The following NOP14 variants were observed in gnomAD, a reference collection of about 807,000 sequenced individuals.
NOP14 encodes the protein nucleolar protein 14.
In NOP14, 57 loss-of-function variants were observed where a neutral mutation model predicts 101.6. That is an observed-to-expected ratio of 0.56 (90% confidence interval 0.45 to 0.70). The LOEUF (loss-of-function observed/expected upper bound fraction) is 0.70, where lower values mean the gene tolerates loss of function less well. NOP14 is among the 30% of genes least tolerant of loss of function. NOP14 has a pLI of 0.00. For synonymous variants in NOP14, 428 were observed against 424.0 expected (o/e 1.01, Z -0.12); for missense variants, 1,134 against 1,075.5 (o/e 1.05, Z -0.76).
intron 6 of NOP14, 61 bp from the exon 7 acceptor site, chr4:2,951,306 G>T: frequency 6.5e-7 from 1 of 1,531,480 alleles, no homozygotes; most frequent in Non-Finnish European, 9.0e-7. Context: ...TGAGGGGGCC[G>T]TGCAGTCCTG....
chr4:2,944,698 C>T (rs558200855), intron 12 of NOP14, among the ~76,000 whole-genome samples: 13 of 152,302 alleles, frequency 8.5e-5, no homozygotes, highest in East Asian at 7.7e-4. Context: ...TGAGCCACCG[C>T]GCCTGGCCAG....
rs747792244 is a variant in NOP14 at position 2,951,144 on chromosome 4, A to G, written c.972T>C (p.Asp324=). ...AGGAAAGCAAACGCCTGTCATCTTT[A>G]TCTAGCACGAAGCCATCATTCAGAT... ...ADDLNDGFVL[D]KDDRRLLSYK... is the part of the protein sequence containing the mutation. Residue 324 remains aspartate, a synonymous_variant, in exon 7 of 18, where the codon GAT becomes GAC. Coordinates refer to ENST00000416614, the MANE Select transcript of NOP14 (RefSeq NM_001291978.2). The G allele has an allele frequency of 6.2e-7, 1 of 1,613,886 alleles. No homozygotes were observed. The highest frequency in any genetic ancestry group is 1.7e-5 in the Admixed American group (1 of 60,004).
At chr4:2,958,947 C>G (rs560842654) in intron 1 of NOP14, among the ~76,000 whole-genome samples, 1 of 152,302 alleles carries the variant, frequency 6.6e-6, no homozygotes, top group East Asian at 1.9e-4. Context: ...CCAGCAGGGA[C>G]AGAAGCACGA....
chr4:2,942,730 C>T (rs1714305462), intron 13 of NOP14, among the ~76,000 whole-genome samples: 1 of 152,100 alleles, frequency 6.6e-6, no homozygotes, highest in Non-Finnish European at 1.5e-5. Flanking sequence ...ATGGACCAGA[C>T]AGAACACGAG....
rs939614144 is a variant in NOP14, at chr4:2,944,099, A to C, written c.1865T>G (p.Ile622Arg). 2.5e-6 allele frequency: 4 copies of C among 1,612,702 alleles called. No homozygotes were observed. Among genetic ancestry groups the C allele is most frequent in the Admixed American group, 3.3e-5 (2 of 59,788 alleles). ...LINFLLGILY[I>R]ATPNKASQGS... The stretch of plus-strand genomic sequence containing the variant: ...TTGGCTTGCTTTGTTTGGAGTTGCT[A>C]TGTAAAGAATCCCAAGAAGAAAATT... Residue 622 changes from isoleucine (I) to arginine (R), a missense_variant, in exon 13 of 18, where the codon ATA (isoleucine) becomes AGA (arginine). Ile to Arg is a moderately conservative substitution (Grantham distance 97). Transcript: ENST00000416614.
chr4:2,948,161 C>G, intron 9 of NOP14, 117 bp downstream of exon 9: 11 of 1,266,240 alleles, frequency 8.7e-6, no homozygotes, highest in Non-Finnish European at 1.2e-5. Flanking sequence ...ATGTGACGGG[C>G]TGGCCCCATC....
chr4:2,947,491 C>T lies in NOP14; in HGVS notation c.1499+35G>A, dbSNP rs372459574. 17 of 1,406,126 alleles carry T rather than the reference C, an allele frequency of 1.2e-5. No individual in the cohort carries two copies. The African/African-American group carries it at 2.1e-4, about 18-fold the overall frequency. The allele number at this position is 1,406,126 out of a possible 1,614,324, so 87.1% of individuals were successfully genotyped here. A position where few individuals can be genotyped will look rare whatever the true frequency, so the allele number is the denominator to read the frequency against. On this transcript the variant is annotated intron_variant, in intron 10 of 17. Coordinates refer to ENST00000416614, the MANE Select transcript of NOP14 (RefSeq NM_001291978.2). ...ATGGGAGAAAAATTGTTCTGCTTAACCCCACATCCCAGATGACACACCATT... is the reference window on the plus strand; with the variant it reads ...ATGGGAGAAAAATTGTTCTGCTTAATCCCACATCCCAGATGACACACCATT...
chr4:2,943,296 C>T (rs192032702), intron 13 of NOP14, among the ~76,000 whole-genome samples: 39 of 152,342 alleles, frequency 2.6e-4, no homozygotes, highest in Admixed American at 1.1e-3. Flanking sequence ...CCTGGACATG[C>T]AGGCGCTTAG....
intron 9 of NOP14, among the ~76,000 whole-genome samples, chr4:2,947,916 A>G: frequency 6.6e-6 from 1 of 152,258 alleles, no homozygotes; most frequent in East Asian, 1.9e-4. Flanking sequence ...CTCACAGGCA[A>G]TATCCACCAT....
At position 2,944,202 on chromosome 4, in the gene NOP14, C is replaced by T. The variant is rs757303420; in HGVS notation, c.1762G>A (p.Val588Met). Residue 588 changes from valine (V) to methionine (M), a missense_variant, in exon 13 of 18, where the codon GTG becomes ATG. Transcript: ENST00000416614. ...CAGCACACGAACAGGCCCTTCACCA[C>T]GTCCTGGAGGGACAGGATGGGGCAC... The part of the protein sequence containing the change: ...TKCPILSLQD[V>M]VKGLFVCCLF... 31 of 1,613,642 alleles carry T rather than the reference C, an allele frequency of 1.9e-5. No individual in the cohort carries two copies. The highest frequency in any genetic ancestry group is 8.0e-5 in the African/African-American group (6 of 74,922).
intron 1 of NOP14, among the ~76,000 whole-genome samples, chr4:2,960,009 G>A (rs975763396): frequency 6.0e-5 from 9 of 149,578 alleles, no homozygotes; most frequent in South Asian, 2.1e-4. Context: ...TCGCTCTGTC[G>A]CCCAGGCTGG....
At chr4:2,956,129 C>T (rs1715331325) in intron 3 of NOP14, among the ~76,000 whole-genome samples, 1 of 152,150 alleles carries the variant, frequency 6.6e-6, no homozygotes, top group Non-Finnish European at 1.5e-5. Flanking sequence ...TATTTAAGGC[C>T]AAAATTTATC....
Position 2,938,890 on chromosome 4 carries a change from T to C in NOP14, c.2515A>G (p.Ser839Gly). 3 of 1,614,214 alleles carry C rather than the reference T, an allele frequency of 1.9e-6. No homozygotes were observed. Among genetic ancestry groups the C allele is most frequent in the Non-Finnish European group, 2.5e-6 (3 of 1,180,028 alleles). Reference protein sequence around the residue: ...RKRKVKQLFNSLATQEGEWKA... With the variant: ...RKRKVKQLFNGLATQEGEWKA... ...CATTCGCCTTCCTGTGTAGCCAGGCTGTTAAAAAGCTGCTTTACTTTCCGC... is the reference window on the plus strand; with the variant it reads ...CATTCGCCTTCCTGTGTAGCCAGGCCGTTAAAAAGCTGCTTTACTTTCCGC... The change falls in exon 18 of 18, where the codon AGC becomes GGC. Residue 839 changes from serine to glycine, a missense_variant. Transcript: ENST00000416614.
intron 5 of NOP14, among the ~76,000 whole-genome samples, chr4:2,952,759 A>G (rs990544561): frequency 6.6e-6 from 1 of 152,156 alleles, no homozygotes; most frequent in Non-Finnish European, 1.5e-5. Flanking sequence ...CTGGCCCAAC[A>G]TGGTGAAACC....
rs374177367 is a variant in NOP14 at position 2,944,420 on chromosome 4, T to TC, written c.1738-195dup. Among the ~76,000 whole-genome samples, 340 of 152,074 alleles carry TC rather than the reference T, an allele frequency of 2.2e-3. 8 individuals are homozygous for TC. The South Asian group carries it at 0.04, about 18-fold the overall frequency. ...ATAAAGAGCTTTAGTGATTTTTTTT[T>TC]CCCGAGACGGAGTTTCACTCTTACC... On this transcript the variant is annotated intron_variant, in intron 12 of 17. Transcript: ENST00000416614.
chr4:2,946,267 G>C (rs1028798486), intron 11 of NOP14, 145 bp downstream of exon 11: 5 of 845,664 alleles, frequency 5.9e-6, no homozygotes, highest in Middle Eastern at 3.6e-4. Context: ...TCTCACTCCA[G>C]ATCACCCTCG....
In NOP14 at chr4:2,939,311, TTAC is replaced by T; in HGVS notation, c.2348_2350del (p.Ser783del). 6.2e-7 allele frequency: 1 copy of T among 1,614,052 alleles called. No individual in the cohort carries two copies. Among genetic ancestry groups the T allele is most frequent in the Non-Finnish European group, 8.5e-7 (1 of 1,180,030 alleles). Reference sequence around the variant, plus strand: ...CAGCCTCTTCCTTTCCTGTTCCTCCTTACTACTGCCTTGTTTTCTTCCAAACTC... The same window carrying T: ...CAGCCTCTTCCTTTCCTGTTCCTCCTTACTGCCTTGTTTTCTTCCAAACTC... On this transcript the variant is annotated inframe_deletion, in exon 17 of 18. Coordinates refer to ENST00000416614, the MANE Select transcript of NOP14 (RefSeq NM_001291978.2).
Position 2,950,085 on chromosome 4 carries a change from A to G in NOP14, c.1131T>C (p.Asp377=), listed in dbSNP as rs1714915690. Residue 377 remains aspartate, a synonymous_variant, in exon 8 of 18, where the codon GAT becomes GAC. Coordinates refer to ENST00000416614, the MANE Select transcript of NOP14 (RefSeq NM_001291978.2). ...CGTTGGATTCCAGGTCCAAGTGGCT[A>G]TCTGGGCTGTCGCTCTCCTCTGTGT... The part of the protein sequence containing the change: ...GEDTEESDSP[D]SHLDLESNVE... The G allele has an allele frequency of 6.2e-7, 1 of 1,613,962 alleles. No homozygotes were observed. The highest frequency in any genetic ancestry group is 8.5e-7 in the Non-Finnish European group (1 of 1,179,964).
intron 5 of NOP14, among the ~76,000 whole-genome samples, chr4:2,953,265 G>A (rs989154356): frequency 1.3e-5 from 2 of 152,200 alleles, no homozygotes; most frequent in African/African-American, 4.8e-5. Context: ...TGTCCACCCT[G>A]AAGTACTTCT....
Sources: gnomAD v4.1 joint callset for allele counts (sites outside exome capture counted in the v4.1 genomes callset) on GRCh38, gnomAD v4.1.1 for gene constraint, MANE v1.5 for transcripts, NCBI Gene and HGNC (gene_info 2026-07-23, HGNC 2026-07-21) for gene names.